IMMP2L: variants seen among roughly 807,000 people sequenced by gnomAD.
IMMP2L encodes inner mitochondrial membrane peptidase subunit 2, also known as mitochondrial inner membrane protease subunit 2.
In IMMP2L, 18 loss-of-function variants were observed where a neutral mutation model predicts 19.3. That is an observed-to-expected ratio of 0.93 (90% confidence interval 0.64 to 1.38). The LOEUF is 1.38. Among genes scored for constraint, IMMP2L ranks in the 40% most tolerant of loss-of-function variants. The probability of loss-of-function intolerance (pLI) is 0.00; values close to 1 mark genes in which losing one functional copy is unlikely to be tolerated. For missense variants in IMMP2L, 233 were observed against 218.2 expected (o/e 1.07, Z -0.43); for synonymous variants, 76 against 73.0 (o/e 1.04, Z -0.21).
chr7:111,260,940 T>G (rs1817249510), intron 3 of IMMP2L, among the ~76,000 whole-genome samples: 1 of 152,040 alleles, frequency 6.6e-6, no homozygotes, highest in Non-Finnish European at 1.5e-5. Context: ...ACAGCGTAAA[T>G]ACATGAGGAT....
In IMMP2L at chr7:110,849,309, C is replaced by G. The variant is rs565585881; in HGVS notation, c.408+37284G>C. ...TGATTTTTTGATAAAGAGTAACTTACAAGAAATGAACAGAAATCATAAAAC... is the reference window on the plus strand; with the variant it reads ...TGATTTTTTGATAAAGAGTAACTTAGAAGAAATGAACAGAAATCATAAAAC... On this transcript the variant is annotated intron_variant, in intron 5 of 5. Coordinates refer to ENST00000405709, the MANE Select transcript of IMMP2L (RefSeq NM_032549.4). Among the ~76,000 whole-genome samples, 187 of 152,122 alleles carry G rather than the reference C, an allele frequency of 1.2e-3. 2 individuals are homozygous for G. Among genetic ancestry groups the G allele is most frequent in the Non-Finnish European group, 8.1e-4 (55 of 67,976 alleles).
chr7:111,545,125 A>C (rs535206563), intron 1 of IMMP2L, among the ~76,000 whole-genome samples: 2 of 151,984 alleles, frequency 1.3e-5, no homozygotes, highest in Admixed American at 1.3e-4. Flanking sequence ...AAACTAGTAC[A>C]ATTATATTTT....
chr7:111,239,291 T>C (rs1203543646), intron 3 of IMMP2L, among the ~76,000 whole-genome samples: 2 of 151,964 alleles, frequency 1.3e-5, no homozygotes, highest in Non-Finnish European at 2.9e-5. Context: ...TATAATATTC[T>C]TTATGATCAA....
At chr7:111,415,326 TATGAGATCCCAG>T (rs1010392925) in intron 3 of IMMP2L, among the ~76,000 whole-genome samples, 3 of 151,672 alleles carry the variant, frequency 2.0e-5, no homozygotes, top group African/African-American at 7.3e-5. Flanking sequence ...AAAAGGATCC[TATGAGATCCCAG>T]ATGAGATTAT....
intron 1 of IMMP2L, among the ~76,000 whole-genome samples, chr7:111,525,380 G>C (rs1233364147): frequency 6.6e-6 from 1 of 152,062 alleles, no homozygotes; most frequent in East Asian, 1.9e-4. Flanking sequence ...TCCCAGAGCA[G>C]TTAAGACCTC....
chr7:111,081,099 T>C (rs375659350), intron 3 of IMMP2L, among the ~76,000 whole-genome samples: 3 of 152,218 alleles, frequency 2.0e-5, no homozygotes, highest in African/African-American at 7.2e-5. Flanking sequence ...TCTTCTTTCA[T>C]GCTTTCAAAT....
intron 3 of IMMP2L, among the ~76,000 whole-genome samples, chr7:111,299,042 A>C (rs1223971794): frequency 6.6e-6 from 1 of 152,146 alleles, no homozygotes; most frequent in Non-Finnish European, 1.5e-5. Context: ...AACTTTATTT[A>C]AGGACAAGCC....
chr7:110,830,837 G>A (rs1038463516), intron 5 of IMMP2L, among the ~76,000 whole-genome samples: 7 of 152,052 alleles, frequency 4.6e-5, no homozygotes, highest in Non-Finnish European at 1.0e-4. Context: ...AAGGCATTTT[G>A]AGCCTTACCA....
chr7:111,259,042 G>T (rs1817027401), intron 3 of IMMP2L, among the ~76,000 whole-genome samples: 1 of 152,024 alleles, frequency 6.6e-6, no homozygotes, highest in Non-Finnish European at 1.5e-5. Flanking sequence ...TACAACATGT[G>T]ACTGTACTGA....
chr7:111,391,847 A>G (rs1832383567), intron 3 of IMMP2L: 2 of 702,328 alleles, frequency 2.8e-6, no homozygotes, highest in Non-Finnish European at 2.6e-6. Flanking sequence ...CCTCTCTTTC[A>G]GTTGCCTCCA....
chr7:111,520,398 C>G (rs185608693), intron 2 of IMMP2L, among the ~76,000 whole-genome samples: 30 of 152,188 alleles, frequency 2.0e-4, no homozygotes, highest in Non-Finnish European at 4.3e-4. Flanking sequence ...ATTTCCTGAC[C>G]TTCTGTATCT....
At chr7:110,894,523 T>C (rs1214187850) in intron 4 of IMMP2L, among the ~76,000 whole-genome samples, 2 of 152,240 alleles carry the variant, frequency 1.3e-5, no homozygotes, top group African/African-American at 4.8e-5. Flanking sequence ...TCTTCTTTGG[T>C]GAATTATCTA....
Position 111,218,672 on chromosome 7 carries a change from C to T in IMMP2L, c.240-255107G>A, listed in dbSNP as rs187767367. On this transcript the variant is annotated intron_variant, in intron 3 of 5. Transcript: ENST00000405709. Reference sequence around the variant, plus strand: ...TTAACCTAGTTCATTACCAATAAGGCTTTAATTCAGTCAGGTACTAAAATA... The same window carrying T: ...TTAACCTAGTTCATTACCAATAAGGTTTTAATTCAGTCAGGTACTAAAATA... 9.2e-5 allele frequency among the ~76,000 whole-genome samples: 14 copies of T among 152,096 alleles called. No individual in the cohort carries two copies. The East Asian group carries it at 1.9e-3, about 21-fold the overall frequency.
At chr7:110,834,876 G>T (rs1804296533) in intron 5 of IMMP2L, among the ~76,000 whole-genome samples, 1 of 152,112 alleles carries the variant, frequency 6.6e-6, no homozygotes, top group Non-Finnish European at 1.5e-5. Context: ...AGCACAACTT[G>T]GTTCTCATGA....
intron 5 of IMMP2L, among the ~76,000 whole-genome samples, chr7:110,738,878 C>T (rs1287574295): frequency 6.6e-6 from 1 of 152,184 alleles, no homozygotes; most frequent in East Asian, 1.9e-4. Flanking sequence ...AGCAGAAACT[C>T]TACAAACTAG....
At chr7:111,207,534 G>GTTTTTTTTT (rs376864629) in intron 3 of IMMP2L, among the ~76,000 whole-genome samples, 24 of 90,104 alleles carry the variant, frequency 2.7e-4, no homozygotes, top group Non-Finnish European at 4.1e-4. Flanking sequence ...TTTATTTTTG[G>GTTTTTTTTT]TTTTTTTTTT....
intron 5 of IMMP2L, among the ~76,000 whole-genome samples, chr7:110,858,934 C>G (rs1807093771): frequency 6.6e-6 from 1 of 152,082 alleles, no homozygotes; most frequent in African/African-American, 2.4e-5. Context: ...GACATGAATT[C>G]ATCATTTTTT....
At chr7:111,477,850 A>T (rs1217059772) in intron 3 of IMMP2L, among the ~76,000 whole-genome samples, 1 of 152,084 alleles carries the variant, frequency 6.6e-6, no homozygotes, top group Non-Finnish European at 1.5e-5. Flanking sequence ...GTGAGCCAAG[A>T]TCATGCTATT....
chr7:111,030,880 GTGTGTATATATATATATATA>G (rs1361205549), intron 3 of IMMP2L, among the ~76,000 whole-genome samples: 1 of 17,180 alleles, frequency 5.8e-5, no homozygotes, highest in African/African-American at 2.5e-4. Context: ...GTGTGTGTGT[GTGTGTATATATATATATATA>G]TATATATATA....
Sources: allele counts gnomAD v4.1 joint callset (sites outside exome capture counted in the v4.1 genomes callset), GRCh38; gene constraint gnomAD v4.1.1; transcripts MANE v1.5; gene names NCBI Gene and HGNC (gene_info 2026-07-23, HGNC 2026-07-21).